AP2A2: variants seen among roughly 807,000 people sequenced by gnomAD.
AP2A2 encodes AP-2 complex subunit alpha-2.
AP2A2 carries 32 observed loss-of-function variants against 104.2 expected under a neutral mutation model. That is an observed-to-expected ratio of 0.31 (90% CI 0.23 to 0.41). The LOEUF (loss-of-function observed/expected upper bound fraction) is 0.41. AP2A2 is among the 10% of genes least tolerant of loss of function. The pLI is 1.00. For synonymous variants in AP2A2, 539 were observed against 533.3 expected (o/e 1.01, Z -0.15); for missense variants, 912 against 1,261.0 (o/e 0.72, Z 4.19).
At chr11:950,254 A>G (rs1854002967) in intron 1 of AP2A2, among the ~76,000 whole-genome samples, 1 of 152,152 alleles carries the variant, frequency 6.6e-6, no homozygotes, top group Admixed American at 6.6e-5. Context: ...GTAAGAGCTA[A>G]AACTATGAGA....
At chr11:1,009,062 A>G in intron 18 of AP2A2, 38 bp from the exon 19 acceptor site, 3 of 1,529,120 alleles carry the variant, frequency 2.0e-6, no homozygotes, top group Non-Finnish European at 2.7e-6. Flanking sequence ...TCAGAGGAGT[A>G]GCTGACTGTC....
At chr11:981,088 T>C (rs1855221043) in intron 5 of AP2A2, 110 bp from the exon 6 acceptor site, 1 of 803,824 alleles carries the variant, frequency 1.2e-6, no homozygotes, top group South Asian at 1.8e-5. Flanking sequence ...CCGAGGTGGC[T>C]GTGGGCTGCC....
rs935948273 is a variant in AP2A2, at chr11:927,820, A to C, written c.67+1732A>C. On this transcript the variant is annotated intron_variant, in intron 1 of 21. Transcript: ENST00000448903. ...GACAGAGTGAGACCTTTCTCACAAA[A>C]AAAAAAAAAAAAAAAAAAAAGGCTT... Among the ~76,000 whole-genome samples, 6 of 149,098 alleles carry C rather than the reference A, an allele frequency of 4.0e-5. No homozygotes were observed. The East Asian group carries it at 1.2e-3, about 29-fold the overall frequency.
chr11:994,629 G>C lies in AP2A2; in HGVS notation c.1956+384G>C, dbSNP rs865823012. Among the ~76,000 whole-genome samples, 162 of 124,630 alleles carry C rather than the reference G, an allele frequency of 1.3e-3. 1 individual carries two copies. Among genetic ancestry groups the C allele is most frequent in the African/African-American group, 4.4e-3 (143 of 32,652 alleles). The allele number at this position is 124,630 out of a possible 152,430, so 81.8% of individuals were successfully genotyped here. A position where few individuals can be genotyped will look rare whatever the true frequency, so the allele number is the denominator to read the frequency against. On this transcript the variant is annotated intron_variant, in intron 14 of 21. Transcript: ENST00000448903. ...ACTGTCCCTGCTGCACACCCTGCTG[G>C]CCTGTCCCGGGGGCCACTGTCCCTG...
At position 1,009,102 on chromosome 11, in the gene AP2A2, A is replaced by G; in HGVS notation, c.2423A>G (p.Tyr808Cys). The change falls in exon 19 of 22, where the codon TAT (tyrosine) becomes TGT (cysteine). Residue 808 changes from tyrosine to cysteine, a missense_variant and splice_region_variant. Coordinates refer to ENST00000448903, the MANE Select transcript of AP2A2 (RefSeq NM_012305.4). ...TCTGCTGCTGCTGCTGCTGGCAGGTATGGGGGCACCTTCCAGAACGTGTCT... is the reference window on the plus strand; with the variant it reads ...TCTGCTGCTGCTGCTGCTGGCAGGTGTGGGGGCACCTTCCAGAACGTGTCT... ...EAPVLNIQFR[Y>C]GGTFQNVSVQ... 6.2e-7 allele frequency: 1 copy of G among 1,611,330 alleles called. No individual in the cohort carries two copies.
intron 1 of AP2A2, among the ~76,000 whole-genome samples, chr11:937,282 A>G (rs958301871): frequency 1.3e-5 from 2 of 151,982 alleles, no homozygotes; most frequent in Non-Finnish European, 2.9e-5. Context: ...GGCCTCCCAA[A>G]GTGCTGGGAT....
At chr11:1,008,958 G>A in intron 18 of AP2A2, 142 bp from the exon 19 acceptor site, 1 of 651,376 alleles carries the variant, frequency 1.5e-6, no homozygotes, top group South Asian at 1.9e-5. Flanking sequence ...CACGATCCGT[G>A]GGGACTGAAG....
chr11:981,404 C>A, intron 6 of AP2A2, 105 bp downstream of exon 6: 1 of 1,086,210 alleles, frequency 9.2e-7, no homozygotes, highest in Non-Finnish European at 1.3e-6. Flanking sequence ...TTTATAAATT[C>A]AGGGATGAAA....
At chr11:943,456 G>A in intron 1 of AP2A2, 1 of 161,624 alleles carries the variant, frequency 6.2e-6, no homozygotes, top group Non-Finnish European at 1.4e-5. Context: ...TAACTACGAG[G>A]CCCAGGGTGT....
intron 2 of AP2A2, among the ~76,000 whole-genome samples, chr11:961,529 G>C (rs1328766280): frequency 1.4e-5 from 2 of 148,028 alleles, no homozygotes; most frequent in African/African-American, 5.0e-5. Context: ...GCCACCACCA[G>C]TGAAAAGTAA....
chr11:1,003,664 C>A, intron 15 of AP2A2, 58 bp from the exon 16 acceptor site: 1 of 1,195,804 alleles, frequency 8.4e-7, no homozygotes, highest in Non-Finnish European at 1.2e-6. Flanking sequence ...CCAGAACAAA[C>A]CCTTGTGTTT....
intron 3 of AP2A2, among the ~76,000 whole-genome samples, chr11:971,528 G>A (rs1320134206): frequency 1.3e-5 from 2 of 152,124 alleles, no homozygotes; most frequent in Non-Finnish European, 2.9e-5. Flanking sequence ...TGTCACCTTC[G>A]AGGATGGCTG....
intron 16 of AP2A2, among the ~76,000 whole-genome samples, chr11:1,005,106 T>A (rs1395789385): frequency 2.6e-5 from 4 of 152,220 alleles, no homozygotes; most frequent in Non-Finnish European, 5.9e-5. Flanking sequence ...GGTGGATGCC[T>A]AATTAAACGA....
chr11:995,279 T>C (rs969588965), intron 14 of AP2A2: 3 of 455,612 alleles, frequency 6.6e-6, no homozygotes, highest in African/African-American at 4.0e-5. Context: ...TGGTTTTCCT[T>C]GTATGTGTGA....
intron 16 of AP2A2, 119 bp from the exon 17 acceptor site, chr11:1,006,409 C>T: frequency 1.3e-6 from 1 of 741,422 alleles, no homozygotes; most frequent in Non-Finnish European, 2.3e-6. Context: ...AACAGTCATA[C>T]ATCACAACAG....
In AP2A2 at chr11:1,010,669, C is replaced by T. The variant is rs767182660; in HGVS notation, c.*44C>T. On this transcript the variant is annotated 3_prime_UTR_variant, in exon 22 of 22. Coordinates refer to ENST00000448903, the MANE Select transcript of AP2A2 (RefSeq NM_012305.4). Reference sequence around the variant, plus strand: ...AGGCTCGTGTGTCTTGTGTTGTCTTCGTCTGTGCCGTTTGTCTTCGTGGCC... The same window carrying T: ...AGGCTCGTGTGTCTTGTGTTGTCTTTGTCTGTGCCGTTTGTCTTCGTGGCC... The T allele has an allele frequency of 9.0e-5, 135 of 1,500,726 alleles. No homozygotes were observed. The highest frequency in any genetic ancestry group is 1.4e-4 in the Admixed American group (7 of 51,804). The allele number at this position is 1,500,726 out of a possible 1,614,324, so 93.0% of individuals were successfully genotyped here. A position where few individuals can be genotyped will look rare whatever the true frequency, so the allele number is the denominator to read the frequency against.
At chr11:971,215 C>T (rs1408284334) in intron 3 of AP2A2, among the ~76,000 whole-genome samples, 1 of 151,826 alleles carries the variant, frequency 6.6e-6, no homozygotes, top group Non-Finnish European at 1.5e-5. Flanking sequence ...TCACATGGCT[C>T]CACAGACATA....
intron 17 of AP2A2, chr11:1,006,915 C>T (rs1248020288): frequency 5.8e-6 from 2 of 347,532 alleles, no homozygotes; most frequent in African/African-American, 4.3e-5. Flanking sequence ...CTCTTACTCT[C>T]CTGTGACGTG....
At chr11:929,950 T>C (rs981923997) in intron 1 of AP2A2, among the ~76,000 whole-genome samples, 2 of 151,370 alleles carry the variant, frequency 1.3e-5, no homozygotes, top group Admixed American at 1.3e-4. Flanking sequence ...AGGGAAACAC[T>C]GTTTCCACAA....
Sources: allele counts gnomAD v4.1 joint callset (sites outside exome capture counted in the v4.1 genomes callset), GRCh38; gene constraint gnomAD v4.1.1; transcripts MANE v1.5; gene names NCBI Gene and HGNC (gene_info 2026-07-23, HGNC 2026-07-21).